LINGO2: variants seen among roughly 807,000 people sequenced by gnomAD.
LINGO2 encodes the protein leucine rich repeat and Ig domain containing 2, also known as leucine-rich repeat and immunoglobulin-like domain-containing nogo receptor-interacting protein 2.
Under a neutral mutation model 30.6 loss-of-function variants are expected in LINGO2, and 14 were observed. The ratio of observed to expected loss-of-function variants is 0.46; its 90% confidence interval spans 0.30 to 0.72. The LOEUF (loss-of-function observed/expected upper bound fraction) is 0.72. Ranked by LOEUF, LINGO2 falls within the 30% of genes least tolerant of loss-of-function variation. The pLI is 0.07. For synonymous variants in LINGO2, 317 were observed against 288.5 expected, an observed-to-expected ratio of 1.10 and a Z score of -1.00; for missense variants, 729 against 751.7, an observed-to-expected ratio of 0.97 and a Z score of 0.35.
chr9:29,084,084 T>C, the LINGO2 span, among the ~76,000 whole-genome samples: 1 of 150,102 alleles, frequency 6.7e-6, no homozygotes, highest in East Asian at 1.9e-4. Flanking sequence ...ACTGTATAAG[T>C]AATAAATTTG....
rs1819446187 is a variant in LINGO2, at chr9:27,954,050, A to G, written c.-35-3344T>C. On this transcript the variant is annotated intron_variant, in intron 5 of 5. Coordinates refer to ENST00000379992, the Ensembl canonical transcript of LINGO2. ...TACCTGTATTACTTTTATAATTAGA[A>G]AAATAATTTCTGAAATATTTTTCAT... Among the ~76,000 whole-genome samples, 3 of 152,320 alleles carry G rather than the reference A, an allele frequency of 2.0e-5. No homozygotes were observed. The South Asian group carries it at 6.2e-4, about 32-fold the overall frequency.
At chr9:28,792,943 A>T in the LINGO2 span, among the ~76,000 whole-genome samples, 2 of 152,180 alleles carry the variant, frequency 1.3e-5, no homozygotes, top group African/African-American at 2.4e-5. Flanking sequence ...CATGTAAATT[A>T]TCTATTACTC....
intron 4 of LINGO2, among the ~76,000 whole-genome samples, chr9:28,266,202 C>CCA (rs1435393841): frequency 6.6e-6 from 1 of 151,916 alleles, no homozygotes; most frequent in African/African-American, 2.4e-5. Context: ...CAAAAGATCC[C>CCA]CATTTGATGA....
chr9:29,181,670 G>A, the LINGO2 span, among the ~76,000 whole-genome samples: 1 of 152,118 alleles, frequency 6.6e-6, no homozygotes, highest in African/African-American at 2.4e-5. Context: ...AGGAAACAAA[G>A]TACATCAAGA....
chr9:28,690,069 C>T, the LINGO2 span, among the ~76,000 whole-genome samples: 7 of 151,908 alleles, frequency 4.6e-5, no homozygotes, highest in African/African-American at 1.5e-4. Context: ...TACAACCTGT[C>T]GGAGGGTGCG....
intron 1 of LINGO2, among the ~76,000 whole-genome samples, chr9:28,541,361 G>T (rs1271009841): frequency 6.6e-6 from 1 of 152,088 alleles, no homozygotes; most frequent in African/African-American, 2.4e-5. Flanking sequence ...TCTATCATAG[G>T]TTTATTTGCT....
At chr9:28,014,916 A>T (rs1223457851) in intron 4 of LINGO2, among the ~76,000 whole-genome samples, 1 of 152,202 alleles carries the variant, frequency 6.6e-6, no homozygotes, top group Admixed American at 6.5e-5. Flanking sequence ...TATAAATTCC[A>T]TCAAATTATT....
intron 4 of LINGO2, among the ~76,000 whole-genome samples, chr9:28,092,923 C>T (rs925526034): frequency 1.3e-5 from 2 of 152,004 alleles, no homozygotes; most frequent in African/African-American, 4.8e-5. Context: ...GCTTTCTATG[C>T]ATCATGGCTT....
chr9:28,375,133 CAT>C (rs1554713166), intron 2 of LINGO2, among the ~76,000 whole-genome samples: 3,439 of 120,330 alleles, frequency 0.029, 62 homozygotes, highest in Non-Finnish European at 0.041. Context: ...CACACACACA[CAT>C]ACACCCCACA....
chr9:28,819,467 T>C, the LINGO2 span, among the ~76,000 whole-genome samples: 1 of 152,306 alleles, frequency 6.6e-6, no homozygotes, highest in Admixed American at 6.5e-5. Context: ...TCTACCACTA[T>C]TCCACATGCC....
rs144874459 is a variant in LINGO2, at chr9:28,246,165, C to A, written c.-87+49043G>T. ...CACATGCCAGGCACGGTGGCTCATG[C>A]CTGTAATCCCAGCACTTTAGAATGC... On this transcript the variant is annotated intron_variant, in intron 4 of 5. Transcript: ENST00000379992. Among the ~76,000 whole-genome samples the A allele has an allele frequency of 8.1e-3, 1,229 of 152,148 alleles. 23 individuals carry two copies. The highest frequency in any genetic ancestry group is 0.028 in the African/African-American group (1,180 of 41,516).
At chr9:29,055,066 A>G in the LINGO2 span, among the ~76,000 whole-genome samples, 4 of 152,040 alleles carry the variant, frequency 2.6e-5, no homozygotes, top group African/African-American at 7.2e-5. Flanking sequence ...TAAAAATACA[A>G]AAATTAGACA....
intron 4 of LINGO2, among the ~76,000 whole-genome samples, chr9:28,254,796 T>A (rs902040465): frequency 3.3e-5 from 5 of 152,140 alleles, no homozygotes; most frequent in Non-Finnish European, 7.4e-5. Flanking sequence ...CAGGGGTACA[T>A]GTGCAGATTT....
At chr9:28,754,551 T>C in the LINGO2 span, among the ~76,000 whole-genome samples, 1 of 152,012 alleles carries the variant, frequency 6.6e-6, no homozygotes, top group Non-Finnish European at 1.5e-5. Context: ...ATTGTCATGA[T>C]TATCATTGCA....
the LINGO2 span, among the ~76,000 whole-genome samples, chr9:28,764,582 T>C: frequency 3.9e-5 from 6 of 151,938 alleles, no homozygotes; most frequent in African/African-American, 1.2e-4. Context: ...TTTCCTCTAG[T>C]ATTTGGTACA....
At chr9:29,143,841 G>C in the LINGO2 span, among the ~76,000 whole-genome samples, 1 of 152,162 alleles carries the variant, frequency 6.6e-6, no homozygotes, top group African/African-American at 2.4e-5. Context: ...TGAAATCTTT[G>C]TCCGTGCCTA....
At chr9:28,371,630 T>TG (rs1240696754) in intron 3 of LINGO2, among the ~76,000 whole-genome samples, 15 of 152,174 alleles carry the variant, frequency 9.9e-5, no homozygotes, top group Non-Finnish European at 1.9e-4. Context: ...CATAGTACCT[T>TG]GTCACTGCAG....
chr9:29,050,834 A>G, the LINGO2 span, among the ~76,000 whole-genome samples: 2 of 152,132 alleles, frequency 1.3e-5, no homozygotes, highest in African/African-American at 4.8e-5. Flanking sequence ...TTAAGCCTCA[A>G]TTTAGAGAGG....
At chr9:28,127,598 G>T (rs973150051) in intron 4 of LINGO2, among the ~76,000 whole-genome samples, 2 of 152,204 alleles carry the variant, frequency 1.3e-5, no homozygotes, top group Non-Finnish European at 2.9e-5. Context: ...ATCGGACAAG[G>T]AACCTATGAA....
Sources: gnomAD v4.1 joint callset for allele counts (sites outside exome capture counted in the v4.1 genomes callset) on GRCh38, gnomAD v4.1.1 for gene constraint, MANE v1.5 for transcripts, NCBI Gene and HGNC (gene_info 2026-07-23, HGNC 2026-07-21) for gene names.